Variants in MCF2L observed in about 807,000 individuals in gnomAD.
The protein encoded by MCF2L is guanine nucleotide exchange factor DBS.
In MCF2L, 97 loss-of-function variants were observed where a neutral mutation model predicts 153.4. The ratio of observed to expected loss-of-function variants is 0.63; its 90% CI spans 0.54 to 0.75. The LOEUF is 0.75. Among genes scored for constraint, MCF2L ranks in the 30% least tolerant of loss-of-function variants. The pLI is 0.00. For missense variants in MCF2L, 1,347 were observed against 1,495.2 expected (o/e 0.90, Z 1.64); for synonymous variants, 659 against 632.2 (o/e 1.04, Z -0.64).
chr13:112,931,363 A>G (rs1453055971), intron 2 of MCF2L, among the ~76,000 whole-genome samples: 1 of 152,248 alleles, frequency 6.6e-6, no homozygotes, highest in Non-Finnish European at 1.5e-5. Context: ...ACAGGTCGGC[A>G]GTGCTGACGC....
intron 2 of MCF2L, among the ~76,000 whole-genome samples, chr13:112,927,807 G>C (rs2081423016): frequency 6.6e-6 from 1 of 152,178 alleles, no homozygotes; most frequent in African/African-American, 2.4e-5. Context: ...CCCACCTCAT[G>C]TGAAGCTCTA....
At chr13:112,895,232 G>C (rs1028080334) in intron 1 of MCF2L, among the ~76,000 whole-genome samples, 1 of 152,088 alleles carries the variant, frequency 6.6e-6, no homozygotes, top group Non-Finnish European at 1.5e-5. Context: ...GCCCAGGCAG[G>C]CTCACTCCCT....
chr13:113,041,195 C>CGAGA lies in MCF2L; in HGVS notation c.279-4076_279-4075insGAGA, dbSNP rs1240873495. Among the ~76,000 whole-genome samples the CGAGA allele has an allele frequency of 3.3e-5, 5 of 152,288 alleles. No homozygotes were observed. The East Asian group carries it at 9.6e-4, about 29-fold the overall frequency. ...TACCCCAACTCCTCCGGCACCATCA[C>CGAGA]CTTCATCCCTCTGGTGACTCTGGGG... On this transcript the variant is annotated intron_variant, in intron 3 of 29. Coordinates refer to ENST00000535094, the MANE Select transcript of MCF2L (RefSeq NM_001112732.3).
rs1409740494 is a variant in MCF2L at position 113,077,119 on chromosome 13, G to A, written c.1568G>A (p.Ser523Asn). The change falls in exon 13 of 30, where the codon AGC (serine) becomes AAC (asparagine). Residue 523 changes from serine to asparagine, a missense_variant. Ser to Asn is a conservative substitution (Grantham distance 46). Around this residue, in one of 3 missense-constraint regions of MCF2L, gnomAD observed 820 missense variants for 921.2 expected, o/e 0.89. Coordinates refer to ENST00000535094, the MANE Select transcript of MCF2L (RefSeq NM_001112732.3). ...MEEVFHRRQA[S>N]LKKLAARQTR... ...GAGGTGTTCCACCGCAGGCAGGCCA[G>A]CCTGAAGAAGCTGGCGGCCAGGCAG... The A allele has an allele frequency of 6.2e-7, 1 of 1,612,692 alleles. No homozygotes were observed. Among genetic ancestry groups the A allele is most frequent in the Admixed American group, 1.7e-5 (1 of 59,984 alleles).
chr13:113,049,901 A>G (rs2141590874), intron 4 of MCF2L, among the ~76,000 whole-genome samples: 1 of 152,300 alleles, frequency 6.6e-6, no homozygotes, highest in Admixed American at 6.5e-5. Context: ...GAATAGAAAA[A>G]TTAGACATTG....
chr13:113,069,884 C>T (rs917854451), intron 8 of MCF2L, among the ~76,000 whole-genome samples, 175 bp from the exon 9 acceptor site: 1 of 152,180 alleles, frequency 6.6e-6, no homozygotes, highest in African/African-American at 2.4e-5. Context: ...TGCTGACGGC[C>T]CTGAGTGCCC....
intron 3 of MCF2L, chr13:113,044,506 G>GC: frequency 1.2e-6 from 1 of 843,760 alleles, no homozygotes; most frequent in South Asian, 1.7e-5. Flanking sequence ...TTGGAAGTTA[G>GC]CGATTCTAGC....
chr13:112,974,376 C>T (rs1223675795), intron 1 of MCF2L, among the ~76,000 whole-genome samples: 2 of 152,104 alleles, frequency 1.3e-5, no homozygotes, highest in Non-Finnish European at 2.9e-5. Flanking sequence ...CATGGCCAGC[C>T]TCTGAGTCCA....
At chr13:112,949,001 G>T (rs747849604) in intron 2 of MCF2L, among the ~76,000 whole-genome samples, 5 of 152,272 alleles carry the variant, frequency 3.3e-5, no homozygotes, top group Admixed American at 6.5e-5. Flanking sequence ...AGCGGAGGTT[G>T]CAGTGGGCCG....
intron 2 of MCF2L, among the ~76,000 whole-genome samples, chr13:112,962,026 C>T (rs1418867993): frequency 6.6e-6 from 1 of 151,340 alleles, no homozygotes; most frequent in East Asian, 1.9e-4. Flanking sequence ...TGGGCTCACA[C>T]CCAGGCATGC....
chr13:113,077,239 TG>T (rs1566853141), intron 13 of MCF2L, 28 bp downstream of exon 13: 1 of 1,512,766 alleles, frequency 6.6e-7, no homozygotes, highest in South Asian at 1.3e-5. Context: ...GTGCCCCGGG[TG>T]CTGTGGGACC....
intron 4 of MCF2L, among the ~76,000 whole-genome samples, chr13:113,058,842 G>A (rs901931514): frequency 6.6e-6 from 1 of 150,970 alleles, no homozygotes; most frequent in Non-Finnish European, 1.5e-5. Flanking sequence ...TGAGTGTTTG[G>A]GTGCTGAGTG....
intron 1 of MCF2L, chr13:113,001,722 C>A: frequency 7.3e-7 from 1 of 1,360,616 alleles, no homozygotes; most frequent in Non-Finnish European, 9.4e-7. Flanking sequence ...TCAGGGACAT[C>A]GAATCGGAGG....
At chr13:112,925,801 A>C (rs2081395900) in intron 2 of MCF2L, among the ~76,000 whole-genome samples, 1 of 152,240 alleles carries the variant, frequency 6.6e-6, no homozygotes, top group South Asian at 2.1e-4. Context: ...GAATCTTAAC[A>C]TAAAGCAAAA....
chr13:112,947,144 G>A (rs1336081616), intron 2 of MCF2L, among the ~76,000 whole-genome samples: 1 of 152,128 alleles, frequency 6.6e-6, no homozygotes, highest in African/African-American at 2.4e-5. Context: ...AAGGCAGGAG[G>A]GCCAGTGAAG....
rs1477947318 is a variant in MCF2L at position 113,035,919 on chromosome 13, T to C, written c.279-9352T>C. Among the ~76,000 whole-genome samples, 1 of 152,122 alleles carries C rather than the reference T, an allele frequency of 6.6e-6. No homozygotes were observed. Among genetic ancestry groups the C allele is most frequent in the Non-Finnish European group, 1.5e-5 (1 of 68,022 alleles). ...TGACAGGCGATGGGGCCTTCCTCTC[T>C]GGTACAGCAGGGGCCTAAGGGATGT... On this transcript the variant is annotated intron_variant, in intron 3 of 29. Transcript: ENST00000535094. The surrounding 1 kb of genome is among the most constrained non-coding windows in gnomAD (Gnocchi z 4.4).
chr13:113,077,658 G>T (rs1320093953), intron 13 of MCF2L, among the ~76,000 whole-genome samples: 1 of 152,170 alleles, frequency 6.6e-6, no homozygotes, highest in Non-Finnish European at 1.5e-5. Context: ...GGCTCCAGGA[G>T]CCCTGAAGAG....
rs777943646 is a variant in MCF2L at position 113,064,254 on chromosome 13, G to C, written c.490-50G>C. Reference sequence around the variant, plus strand: ...TTCTGCTGATGGGGCAGCTCTTTTGGGAGCCAACAATAATCCCAAACACTA... The same window carrying C: ...TTCTGCTGATGGGGCAGCTCTTTTGCGAGCCAACAATAATCCCAAACACTA... On this transcript the variant is annotated intron_variant, in intron 5 of 29. Coordinates refer to ENST00000535094, the MANE Select transcript of MCF2L (RefSeq NM_001112732.3). This position sits in a 1 kb window ranked among gnomAD's most constrained non-coding sequence, Gnocchi z 6.0. 7.3e-7 allele frequency: 1 copy of C among 1,370,588 alleles called. No homozygotes were observed. Among genetic ancestry groups the C allele is most frequent in the South Asian group, 1.2e-5 (1 of 86,186 alleles). 84.9% of individuals were successfully genotyped at this position (1,370,588 alleles called of 1,614,324 possible).
intron 1 of MCF2L, among the ~76,000 whole-genome samples, chr13:112,971,231 GGGTGAA>G (rs2082028921): frequency 2.0e-5 from 3 of 152,178 alleles, no homozygotes. Context: ...TCTCTGGTAG[GGGTGAA>G]GGTCAAGGTA....
Sources: allele counts gnomAD v4.1 joint callset (sites outside exome capture counted in the v4.1 genomes callset), GRCh38; gene constraint gnomAD v4.1.1; regional missense constraint gnomAD v4.1.1; non-coding constraint Gnocchi (gnomAD v3.1); transcripts MANE v1.5; gene names NCBI Gene and HGNC (gene_info 2026-07-23, HGNC 2026-07-21).